BBS9: variants seen among roughly 807,000 people sequenced by gnomAD.
The protein encoded by BBS9 is Bardet-Biedl syndrome 9.
A neutral mutation model predicts 117.7 loss-of-function variants in BBS9; 89 were observed. The ratio of observed to expected loss-of-function variants is 0.76; its 90% CI spans 0.64 to 0.90. The LOEUF is 0.90. Among genes scored for constraint, BBS9 ranks in the 40% least tolerant of loss-of-function variants. BBS9 has a pLI of 0.00. For synonymous variants in BBS9, 379 were observed against 370.9 expected, an observed-to-expected ratio of 1.02 and a Z score of -0.25; for missense variants, 982 against 1,042.2, an observed-to-expected ratio of 0.94 and a Z score of 0.80.
intron 5 of BBS9, among the ~76,000 whole-genome samples, chr7:33,179,725 C>A (rs9791864): frequency 2.0e-5 from 3 of 152,098 alleles, no homozygotes; most frequent in Admixed American, 6.5e-5. Context: ...CTGAGTCATC[C>A]CGAAATCTTC....
At chr7:33,235,189 AT>A (rs1315308786) in intron 5 of BBS9, among the ~76,000 whole-genome samples, 4 of 152,154 alleles carry the variant, frequency 2.6e-5, no homozygotes, top group Non-Finnish European at 5.9e-5. Context: ...AAGTGGCATC[AT>A]TTATGTTTAC....
intron 9 of BBS9, among the ~76,000 whole-genome samples, chr7:33,279,282 C>T (rs957310506): frequency 6.6e-6 from 1 of 152,112 alleles, no homozygotes; most frequent in African/African-American, 2.4e-5. Flanking sequence ...CACCATGTTG[C>T]CCAGGCTGGT....
rs766402215 is a variant in BBS9, at chr7:33,336,507, A to G, written c.1083A>G (p.Thr361=). ...DGHLQCSYLG[T]DPSLFQAPNV... ...ACTTGCAGTGTTCATACCTGGGGAC[A>G]GATCCTTCTCTGTTCCAAGCTCCAA... The change falls in exon 10 of 23, where the codon ACA becomes ACG. Residue 361 remains threonine (T), a synonymous_variant. Transcript: ENST00000242067. 1 of 1,613,838 alleles carries G rather than the reference A, an allele frequency of 6.2e-7. No individual in the cohort carries two copies. The highest frequency in any genetic ancestry group is 1.1e-5 in the South Asian group (1 of 91,036).
chr7:33,196,449 C>T (rs1784958900), intron 5 of BBS9, among the ~76,000 whole-genome samples: 1 of 152,108 alleles, frequency 6.6e-6, no homozygotes, highest in Non-Finnish European at 1.5e-5. Context: ...AATGAACAGC[C>T]AGAACACAGC....
At position 33,241,859 on chromosome 7, in the gene BBS9, T is replaced by A. The variant is rs939569823; in HGVS notation, c.443-15377T>A. ...CTTTTATTTCCTTAAACAGAAAGTG[T>A]AATATTTTTATATTTTCTGTCAATT... On this transcript the variant is annotated intron_variant, in intron 5 of 22. Coordinates refer to ENST00000242067, the MANE Select transcript of BBS9 (RefSeq NM_198428.3). Among the ~76,000 whole-genome samples the A allele has an allele frequency of 2.0e-5, 3 of 152,276 alleles. No individual in the cohort carries two copies. The South Asian group carries it at 6.2e-4, about 32-fold the overall frequency.
chr7:33,358,669 G>A (rs1233202412), intron 16 of BBS9, among the ~76,000 whole-genome samples: 1 of 151,882 alleles, frequency 6.6e-6, no homozygotes, highest in Non-Finnish European at 1.5e-5. Flanking sequence ...AAGGTTTTTA[G>A]TGTGTCATGT....
intron 19 of BBS9, among the ~76,000 whole-genome samples, chr7:33,500,717 G>A (rs1022313717): frequency 6.6e-6 from 1 of 152,222 alleles, no homozygotes; most frequent in African/African-American, 2.4e-5. Flanking sequence ...AATTGGACAT[G>A]TCCGTGTTCA....
At chr7:33,361,059 T>C (rs1042397763) in intron 16 of BBS9, among the ~76,000 whole-genome samples, 1 of 152,170 alleles carries the variant, frequency 6.6e-6, no homozygotes, top group Non-Finnish European at 1.5e-5. Flanking sequence ...TGATGATAAC[T>C]TTTATCAGAA....
At chr7:33,525,291 C>G (rs796402713) in intron 20 of BBS9, among the ~76,000 whole-genome samples, 6 of 134,518 alleles carry the variant, frequency 4.5e-5, no homozygotes, top group African/African-American at 1.4e-4. Flanking sequence ...GAGTTCAATT[C>G]CTGGGTATCC....
intron 19 of BBS9, among the ~76,000 whole-genome samples, chr7:33,491,947 C>T (rs1292052103): frequency 6.6e-6 from 1 of 151,950 alleles, no homozygotes; most frequent in Non-Finnish European, 1.5e-5. Context: ...TGCCTGTTAT[C>T]TCAGCACTTT....
intron 9 of BBS9, among the ~76,000 whole-genome samples, chr7:33,292,918 A>G (rs1804366701): frequency 6.6e-6 from 1 of 151,832 alleles, no homozygotes. Context: ...AGGCAGGAGA[A>G]TCGCTTGAAC....
chr7:33,507,071 T>C (rs1162189908), intron 20 of BBS9, among the ~76,000 whole-genome samples: 7 of 152,194 alleles, frequency 4.6e-5, no homozygotes, highest in Non-Finnish European at 8.8e-5. Context: ...AGCTGTAAGA[T>C]GGAAACAATA....
intron 20 of BBS9, among the ~76,000 whole-genome samples, chr7:33,514,236 A>T (rs368160772): frequency 6.6e-6 from 1 of 152,182 alleles, no homozygotes; most frequent in African/African-American, 2.4e-5. Flanking sequence ...GGTGAACTAG[A>T]CTATTCCCCA....
At chr7:33,621,677 AT>A (rs1270702372) in intron 21 of BBS9, among the ~76,000 whole-genome samples, 1 of 152,182 alleles carries the variant, frequency 6.6e-6, no homozygotes, top group African/African-American at 2.4e-5. Context: ...CAATCCCACC[AT>A]ATCCAAAGGA....
chr7:33,322,580 G>A (rs975501013), intron 9 of BBS9, among the ~76,000 whole-genome samples: 1 of 151,780 alleles, frequency 6.6e-6, no homozygotes, highest in Non-Finnish European at 1.5e-5. Context: ...AATATCAGTT[G>A]TACTGTCTCC....
At chr7:33,329,294 TA>T (rs1301319904) in intron 9 of BBS9, among the ~76,000 whole-genome samples, 3 of 152,162 alleles carry the variant, frequency 2.0e-5, no homozygotes, top group African/African-American at 7.2e-5. Flanking sequence ...GTGCTGGGAT[TA>T]CAGGTGTGAG....
chr7:33,482,561 G>T (rs1326339341), intron 19 of BBS9, among the ~76,000 whole-genome samples: 2 of 152,174 alleles, frequency 1.3e-5, no homozygotes, highest in Non-Finnish European at 2.9e-5. Context: ...TTAGTAAGTT[G>T]TAGAGCTTCT....
At position 33,257,231 on chromosome 7, in the gene BBS9, T is replaced by G; in HGVS notation, c.443-5T>G. The G allele has an allele frequency of 6.3e-7, 1 of 1,599,096 alleles. No homozygotes were observed. The highest frequency in any genetic ancestry group is 1.3e-5 in the African/African-American group (1 of 74,840). On this transcript the variant is annotated splice_polypyrimidine_tract_variant and splice_region_variant and intron_variant, in intron 5 of 22. Transcript: ENST00000242067. ...ATTATCTAATTTTCTCTAATTCTTCTTTAGGTCGAGATTTAATTTGCATCC... is the reference window on the plus strand; with the variant it reads ...ATTATCTAATTTTCTCTAATTCTTCGTTAGGTCGAGATTTAATTTGCATCC...
At chr7:33,599,711 G>A (rs974907021) in intron 21 of BBS9, among the ~76,000 whole-genome samples, 4 of 152,014 alleles carry the variant, frequency 2.6e-5, no homozygotes, top group East Asian at 1.9e-4. Flanking sequence ...ATAATTTCAC[G>A]AGTTAGTTTT....
Sources: gnomAD v4.1 joint callset for allele counts (sites outside exome capture counted in the v4.1 genomes callset) on GRCh38, gnomAD v4.1.1 for gene constraint, MANE v1.5 for transcripts, NCBI Gene and HGNC (gene_info 2026-07-23, HGNC 2026-07-21) for gene names.